Variants in ZNF423 observed in about 807,000 individuals in gnomAD.
ZNF423 encodes the protein zinc finger protein 423.
In ZNF423, 12 loss-of-function variants were observed where a neutral mutation model predicts 95.8. The ratio of observed to expected loss-of-function variants is 0.13; its 90% confidence interval spans 0.08 to 0.20. The LOEUF is 0.20. ZNF423 is among the 10% of genes least tolerant of loss of function. ZNF423 has a pLI of 1.00. For missense variants in ZNF423, 1,316 were observed against 1,737.1 expected (o/e 0.76, Z 4.31); for synonymous variants, 749 against 711.9 (o/e 1.05, Z -0.83).
intron 1 of ZNF423, among the ~76,000 whole-genome samples, chr16:49,808,029 A>T (rs372263632): frequency 1.3e-5 from 2 of 151,192 alleles, no homozygotes; most frequent in South Asian, 4.2e-4. Flanking sequence ...AAGAAATCAC[A>T]CATTTGGTGT....
At chr16:49,801,555 G>A (rs1188367154) in intron 1 of ZNF423, among the ~76,000 whole-genome samples, 6 of 152,140 alleles carry the variant, frequency 3.9e-5, no homozygotes, top group South Asian at 2.1e-4. Flanking sequence ...TGTGCACTTC[G>A]GTTGCACAAA....
chr16:49,630,712 A>C (rs983144884), intron 4 of ZNF423, among the ~76,000 whole-genome samples: 1 of 152,126 alleles, frequency 6.6e-6, no homozygotes, highest in African/African-American at 2.4e-5. Context: ...GGGCAGGTGA[A>C]TAAAGGGAGC....
At chr16:49,525,903 C>T (rs1046557913) in intron 5 of ZNF423, among the ~76,000 whole-genome samples, 3 of 152,212 alleles carry the variant, frequency 2.0e-5, no homozygotes, top group African/African-American at 7.2e-5. Flanking sequence ...TACTATGTGC[C>T]AGGTACTTTG....
At chr16:49,555,938 C>T (rs1472093633) in intron 5 of ZNF423, among the ~76,000 whole-genome samples, 1 of 152,112 alleles carries the variant, frequency 6.6e-6, no homozygotes, top group African/African-American at 2.4e-5. Flanking sequence ...GATCTGCCTC[C>T]TTTCCTTAAC....
chr16:49,854,767 G>A (rs1597066539), intron 1 of ZNF423: 1 of 985,272 alleles, frequency 1.0e-6, no homozygotes, highest in East Asian at 1.1e-4. Context: ...ACTCTCCAGG[G>A]GTCCCCTCGA....
intron 2 of ZNF423, among the ~76,000 whole-genome samples, chr16:49,752,879 G>A (rs2033657579): frequency 6.6e-6 from 1 of 152,214 alleles, no homozygotes; most frequent in Non-Finnish European, 1.5e-5. Context: ...TGTGTGCCAG[G>A]CAATGTCCTG....
At chr16:49,526,202 CT>C (rs1337089970) in intron 5 of ZNF423, among the ~76,000 whole-genome samples, 1 of 152,184 alleles carries the variant, frequency 6.6e-6, no homozygotes, top group African/African-American at 2.4e-5. Flanking sequence ...CTGTCAGCCC[CT>C]GGAGGACTTT....
intron 2 of ZNF423, among the ~76,000 whole-genome samples, chr16:49,770,643 C>A (rs939314560): frequency 2.0e-5 from 3 of 151,864 alleles, no homozygotes; most frequent in African/African-American, 4.8e-5. Context: ...TGGAAGACTG[C>A]CACTTTGGAG....
At chr16:49,613,897 A>G (rs1365207352) in intron 5 of ZNF423, among the ~76,000 whole-genome samples, 2 of 152,066 alleles carry the variant, frequency 1.3e-5, no homozygotes, top group Non-Finnish European at 2.9e-5. Flanking sequence ...AGGAAAAAAA[A>G]AATAGGAGAA....
At chr16:49,773,013 A>G (rs2034060962) in intron 2 of ZNF423, among the ~76,000 whole-genome samples, 1 of 152,164 alleles carries the variant, frequency 6.6e-6, no homozygotes, top group Admixed American at 6.5e-5. Context: ...CGAAGGGGGA[A>G]GCCCCTTATA....
At chr16:49,581,311 C>T (rs2151802048) in intron 5 of ZNF423, among the ~76,000 whole-genome samples, 2 of 152,258 alleles carry the variant, frequency 1.3e-5, no homozygotes, top group East Asian at 3.9e-4. Flanking sequence ...GTAAACATTA[C>T]CTTAGTAATG....
intron 1 of ZNF423, among the ~76,000 whole-genome samples, chr16:49,792,654 T>C (rs758246786): frequency 6.6e-6 from 1 of 152,212 alleles, no homozygotes; most frequent in African/African-American, 2.4e-5. Flanking sequence ...CCCACTCACA[T>C]GCCCTCCTCT....
At chr16:49,823,956 C>T (rs557430096) in intron 1 of ZNF423, among the ~76,000 whole-genome samples, 3 of 152,212 alleles carry the variant, frequency 2.0e-5, no homozygotes, top group African/African-American at 7.2e-5. Context: ...TTGGTACACA[C>T]CTGTAGTCCC....
intron 5 of ZNF423, among the ~76,000 whole-genome samples, chr16:49,545,933 A>G (rs1969423624): frequency 6.6e-6 from 1 of 152,204 alleles, no homozygotes; most frequent in Admixed American, 6.5e-5. Flanking sequence ...CAGGCCTTTC[A>G]ACCACAGAGC....
intron 2 of ZNF423, among the ~76,000 whole-genome samples, chr16:49,765,272 C>T (rs978139449): frequency 2.6e-5 from 4 of 152,072 alleles, no homozygotes; most frequent in East Asian, 1.9e-4. Context: ...ATGGGAACAT[C>T]GTTTCATTTT....
chr16:49,648,503 AT>A (rs1275462072), intron 3 of ZNF423, among the ~76,000 whole-genome samples: 29 of 152,170 alleles, frequency 1.9e-4, no homozygotes, highest in African/African-American at 5.5e-4. Context: ...TTAGCTGGGC[AT>A]GGTGGCACAT....
At chr16:49,763,160 G>GC (rs1460194324) in intron 2 of ZNF423, among the ~76,000 whole-genome samples, 1 of 152,158 alleles carries the variant, frequency 6.6e-6, no homozygotes, top group Non-Finnish European at 1.5e-5. Context: ...GAGTCACTGT[G>GC]CCCAGCATCC....
Position 49,603,559 on chromosome 16 carries a change from G to A in ZNF423, c.3601+22611C>T, listed in dbSNP as rs552580203. Among the ~76,000 whole-genome samples the A allele has an allele frequency of 1.3e-5, 2 of 152,062 alleles. No individual in the cohort carries two copies. The highest frequency in any genetic ancestry group is 2.4e-5 in the African/African-American group (1 of 41,394). On this transcript the variant is annotated intron_variant, in intron 5 of 7. Transcript: ENST00000563137. This position sits in a 1 kb window ranked among gnomAD's most constrained non-coding sequence, Gnocchi z 4.1. ...AGAGTAGCTGGGATTACAGGCGCCC[G>A]CCACCACGCCCAGCTAATTTTTGTG... is the stretch of plus-strand genomic sequence containing the variant.
chr16:49,749,124 A>C (rs915548581), intron 2 of ZNF423, among the ~76,000 whole-genome samples: 19 of 152,182 alleles, frequency 1.2e-4, no homozygotes, highest in African/African-American at 4.6e-4. Context: ...GCACCACTCC[A>C]CAGGGGTATC....
Sources: gnomAD v4.1 joint callset for allele counts (sites outside exome capture counted in the v4.1 genomes callset) on GRCh38, gnomAD v4.1.1 for gene constraint, Gnocchi (gnomAD v3.1) non-coding constraint, MANE v1.5 for transcripts, NCBI Gene and HGNC (gene_info 2026-07-23, HGNC 2026-07-21) for gene names.